The following SEMA3A variants were observed in gnomAD, a reference collection of about 807,000 sequenced individuals.
SEMA3A encodes the protein semaphorin 3A, also known as semaphorin-3A.
In SEMA3A, 29 loss-of-function variants were observed where a neutral mutation model predicts 97.9. The observed-to-expected ratio is 0.30, with a 90% confidence interval of 0.22 to 0.40. The LOEUF is 0.40. Ranked by LOEUF, SEMA3A falls within the 10% of genes least tolerant of loss-of-function variation. The pLI is 1.00. For missense variants in SEMA3A, 763 were observed against 951.3 expected (o/e 0.80, Z 2.60); for synonymous variants, 321 against 323.7 (o/e 0.99, Z 0.09).
intron 2 of SEMA3A, among the ~76,000 whole-genome samples, chr7:84,308,978 C>G (rs541750827): frequency 6.6e-6 from 1 of 151,878 alleles, no homozygotes; most frequent in Non-Finnish European, 1.5e-5. Flanking sequence ...CCACCACACC[C>G]GGCTAACTTT....
chr7:84,491,804 A>G (rs1321135431), intron 1 of SEMA3A, among the ~76,000 whole-genome samples: 1 of 152,208 alleles, frequency 6.6e-6, no homozygotes, highest in Non-Finnish European at 1.5e-5. Flanking sequence ...CTAAAAAGTC[A>G]AAGTTGAGAT....
At chr7:84,412,616 C>T (rs977819989) in intron 1 of SEMA3A, among the ~76,000 whole-genome samples, 1 of 152,062 alleles carries the variant, frequency 6.6e-6, no homozygotes, top group African/African-American at 2.4e-5. Context: ...CACCACATTC[C>T]CTTTATCCTT....
intron 12 of SEMA3A, among the ~76,000 whole-genome samples, chr7:83,990,981 C>A (rs1789899043): frequency 6.6e-6 from 1 of 151,896 alleles, no homozygotes; most frequent in African/African-American, 2.4e-5. Context: ...TGTTTGTATC[C>A]TCTTTTATTT....
intron 3 of SEMA3A, among the ~76,000 whole-genome samples, chr7:84,223,864 C>T (rs189787415): frequency 2.1e-4 from 32 of 151,804 alleles, no homozygotes; most frequent in Admixed American, 1.6e-3. Context: ...GAAAACCTTA[C>T]GGCTTATATT....
intron 1 of SEMA3A, among the ~76,000 whole-genome samples, chr7:84,174,335 C>T (rs1455972551): frequency 6.6e-6 from 1 of 152,132 alleles, no homozygotes; most frequent in East Asian, 1.9e-4. Context: ...TGAACCAGGT[C>T]CAAGTTGCCA....
At chr7:84,416,428 G>A (rs753001675) in intron 1 of SEMA3A, among the ~76,000 whole-genome samples, 6 of 152,002 alleles carry the variant, frequency 3.9e-5, no homozygotes, top group African/African-American at 4.8e-5. Flanking sequence ...ATGTGTTTAT[G>A]AGCAGTGTGA....
At chr7:84,033,045 A>T (rs1361857049) in intron 6 of SEMA3A, among the ~76,000 whole-genome samples, 4 of 152,076 alleles carry the variant, frequency 2.6e-5, no homozygotes, top group Non-Finnish European at 5.9e-5. Context: ...TACAGGGAAA[A>T]AAATTGCAAA....
Position 83,961,489 on chromosome 7 carries a change from CGTT to C in SEMA3A, c.2195_2197del (p.Gln732del), listed in dbSNP as rs1473172376. 6.2e-7 allele frequency: 1 copy of C among 1,613,876 alleles called. No individual in the cohort carries two copies. Among genetic ancestry groups the C allele is most frequent in the African/African-American group, 1.3e-5 (1 of 74,878 alleles). ...TGGGGTATGTCCTGGCCTTTGCCGA[CGTT>C]GTTTTCGGTCCCTTTTCCAAACTTG... is the stretch of plus-strand genomic sequence containing the variant. On this transcript the variant is annotated inframe_deletion, in exon 17 of 17. Coordinates refer to ENST00000265362, the MANE Select transcript of SEMA3A (RefSeq NM_006080.3).
At position 84,238,179 on chromosome 7, in the gene SEMA3A, G is replaced by A. The variant is rs192128432; in HGVS notation, c.-82-43511C>T. On this transcript the variant is annotated intron_variant, in intron 3 of 3. Transcript: ENST00000424555. ...CCTCCCAGGTTCAAGGGATCCTCCT[G>A]CCTGAGCCTCCCAAGTATCTGGGAT... 3.5e-3 allele frequency among the ~76,000 whole-genome samples: 533 copies of A among 152,088 alleles called. 1 individual carries two copies. The highest frequency in any genetic ancestry group is 0.012 in the African/African-American group (490 of 41,508).
chr7:84,287,115 T>A (rs575862064), intron 3 of SEMA3A, among the ~76,000 whole-genome samples: 1 of 152,256 alleles, frequency 6.6e-6, no homozygotes, highest in Non-Finnish European at 1.5e-5. Flanking sequence ...AGTTTATTAT[T>A]AACTAAACTT....
intron 4 of SEMA3A, among the ~76,000 whole-genome samples, chr7:84,095,361 A>ATTTTTTT (rs1562778213): frequency 5.3e-5 from 2 of 37,664 alleles, no homozygotes; most frequent in East Asian, 1.2e-3. Flanking sequence ...TTATATACAT[A>ATTTTTTT]TATATATATA....
chr7:84,002,763 T>A (rs549042521), intron 11 of SEMA3A, among the ~76,000 whole-genome samples: 14 of 152,140 alleles, frequency 9.2e-5, no homozygotes, highest in African/African-American at 3.1e-4. Context: ...AAATTTAACA[T>A]TCAGAAGCCA....
At chr7:84,062,561 C>A (rs537234999) in intron 4 of SEMA3A, among the ~76,000 whole-genome samples, 1 of 152,168 alleles carries the variant, frequency 6.6e-6, no homozygotes, top group South Asian at 2.1e-4. Context: ...AGTGGGTGCG[C>A]GCACCACGCG....
intron 6 of SEMA3A, among the ~76,000 whole-genome samples, chr7:84,020,814 A>AT (rs1397616388): frequency 1.1e-4 from 17 of 152,180 alleles, no homozygotes; most frequent in African/African-American, 3.9e-4. Flanking sequence ...ATATTTTGGA[A>AT]TAATATAACT....
intron 1 of SEMA3A, among the ~76,000 whole-genome samples, chr7:84,189,111 C>T (rs546564320): frequency 6.6e-6 from 1 of 151,900 alleles, no homozygotes; most frequent in Non-Finnish European, 1.5e-5. Context: ...TAAAAGTCAT[C>T]CCAAGAATCA....
intron 1 of SEMA3A, among the ~76,000 whole-genome samples, chr7:84,449,429 C>T (rs1342065211): frequency 6.6e-6 from 1 of 151,764 alleles, no homozygotes; most frequent in Non-Finnish European, 1.5e-5. Flanking sequence ...ATTAGACTAA[C>T]CAAGAAGAAA....
chr7:84,161,090 G>A (rs1393344427), intron 1 of SEMA3A, among the ~76,000 whole-genome samples: 1 of 151,982 alleles, frequency 6.6e-6, no homozygotes, highest in African/African-American at 2.4e-5. Flanking sequence ...TTTAGGCCGG[G>A]CGTGGTGTCT....
chr7:84,444,620 G>GCT (rs981591701), intron 1 of SEMA3A, among the ~76,000 whole-genome samples: 1 of 146,738 alleles, frequency 6.8e-6, no homozygotes, highest in Admixed American at 6.9e-5. Flanking sequence ...GGAGTACAGT[G>GCT]ACGCGATCTC....
At chr7:84,057,625 C>A (rs1793041807) in intron 5 of SEMA3A, among the ~76,000 whole-genome samples, 1 of 151,900 alleles carries the variant, frequency 6.6e-6, no homozygotes, top group Non-Finnish European at 1.5e-5. Context: ...CTTAGCCAGG[C>A]CTGGTGGCAC....
Sources: gnomAD v4.1 joint callset for allele counts (sites outside exome capture counted in the v4.1 genomes callset) on GRCh38, gnomAD v4.1.1 for gene constraint, MANE v1.5 for transcripts, NCBI Gene and HGNC (gene_info 2026-07-23, HGNC 2026-07-21) for gene names.